Variants in TAFA2 observed in about 807,000 individuals in gnomAD.
TAFA2 encodes the protein TAFA chemokine like family member 2, also known as chemokine-like protein TAFA-2.
Under a neutral mutation model 18.8 loss-of-function variants are expected in TAFA2, and 7 were observed. That is an observed-to-expected ratio of 0.37 (90% CI 0.21 to 0.70). TAFA2 has a LOEUF of 0.70. TAFA2 is among the 30% of genes least tolerant of loss of function. The probability of loss-of-function intolerance (pLI) is 0.53; values close to 1 mark genes in which losing one functional copy is unlikely to be tolerated. For missense variants in TAFA2, 122 were observed against 158.1 expected (o/e 0.77, Z 1.23); for synonymous variants, 60 against 54.2 (o/e 1.11, Z -0.47).
chr12:61,763,777 C>T (rs1184788689), intron 2 of TAFA2, among the ~76,000 whole-genome samples: 1 of 151,796 alleles, frequency 6.6e-6, no homozygotes, highest in Non-Finnish European at 1.5e-5. Context: ...GGAAAGGGAA[C>T]CAAGCACAGC....
rs534630035 is a variant in TAFA2 at position 61,822,597 on chromosome 12, T to C, written c.106+44723A>G. On this transcript the variant is annotated intron_variant, in intron 2 of 4. Coordinates refer to ENST00000416284, the MANE Select transcript of TAFA2 (RefSeq NM_178539.5). Reference sequence around the variant, plus strand: ...TTAAATGTCACTTCCTCTGAAGGTGTCCCCATCTCTTCAGACACAGGAATT... The same window carrying C: ...TTAAATGTCACTTCCTCTGAAGGTGCCCCCATCTCTTCAGACACAGGAATT... 3.9e-5 allele frequency among the ~76,000 whole-genome samples: 6 copies of C among 152,306 alleles called. No homozygotes were observed. In the East Asian group the frequency reaches 1.2e-3, roughly 29 times the overall value.
At chr12:62,004,051 G>A (rs1880466276) in intron 1 of TAFA2, among the ~76,000 whole-genome samples, 1 of 151,902 alleles carries the variant, frequency 6.6e-6, no homozygotes, top group Admixed American at 6.6e-5. Context: ...AATCACTTTT[G>A]GTTTATAGTT....
At chr12:62,017,583 AAATATTTT>A (rs1880980675) in intron 1 of TAFA2, among the ~76,000 whole-genome samples, 2 of 152,174 alleles carry the variant, frequency 1.3e-5, no homozygotes, top group Non-Finnish European at 2.9e-5. Context: ...CCACGTGGTG[AAATATTTT>A]TATTCTGGAG....
intron 2 of TAFA2, among the ~76,000 whole-genome samples, chr12:61,798,366 T>C (rs1411682417): frequency 6.6e-6 from 1 of 152,206 alleles, no homozygotes; most frequent in Non-Finnish European, 1.5e-5. Context: ...CTGGAATACA[T>C]GTGCAGGACG....
intron 1 of TAFA2, among the ~76,000 whole-genome samples, chr12:62,136,849 C>T (rs534374879): frequency 2.4e-4 from 37 of 152,270 alleles, no homozygotes; most frequent in African/African-American, 8.9e-4. Flanking sequence ...TTTGGGGGGA[C>T]ATGCACCCCT....
At chr12:61,730,772 C>A (rs1870405666) in intron 4 of TAFA2, among the ~76,000 whole-genome samples, 1 of 152,048 alleles carries the variant, frequency 6.6e-6, no homozygotes, top group Non-Finnish European at 1.5e-5. Context: ...CCCCAACAGC[C>A]AACAGAGCCA....
At chr12:61,969,861 G>T (rs1565700164) in intron 1 of TAFA2, among the ~76,000 whole-genome samples, 1 of 151,528 alleles carries the variant, frequency 6.6e-6, no homozygotes, top group African/African-American at 2.4e-5. Flanking sequence ...AAGAACAAAG[G>T]CAGAGATATA....
chr12:62,253,766 A>T (rs1396214355), intron 1 of TAFA2: 1 of 152,242 alleles, frequency 6.6e-6, no homozygotes, highest in African/African-American at 2.4e-5. Context: ...AATTTTAATC[A>T]CATCTGTAAA....
At chr12:61,723,943 T>C (rs1008183782) in intron 4 of TAFA2, among the ~76,000 whole-genome samples, 5 of 152,100 alleles carry the variant, frequency 3.3e-5, no homozygotes, top group Admixed American at 2.0e-4. Context: ...CACCAAGGAA[T>C]TACATGCTCA....
rs548382269 is a variant in TAFA2, at chr12:62,156,104, AAG to A, written c.-2+35153_-2+35154del. 6.3e-4 allele frequency among the ~76,000 whole-genome samples: 96 copies of A among 152,338 alleles called. 1 individual carries two copies. The highest frequency in any genetic ancestry group is 2.3e-3 in the African/African-American group (95 of 41,590). ...AACTCAAACAAATCAGTAAGAAAGA[AAG>A]AAACAATCCCATCAAAAAGTGGGCT... On this transcript the variant is annotated intron_variant, in intron 1 of 4. Coordinates refer to ENST00000416284, the MANE Select transcript of TAFA2 (RefSeq NM_178539.5).
Position 62,255,502 on chromosome 12 carries a change from G to GT in TAFA2, c.-130+3260dup, listed in dbSNP as rs1468396851. Among the ~76,000 whole-genome samples, 13 of 152,170 alleles carry GT rather than the reference G, an allele frequency of 8.5e-5. No individual in the cohort carries two copies. In the East Asian group the frequency reaches 2.3e-3, roughly 27 times the overall value. On this transcript the variant is annotated intron_variant, in intron 1 of 5. Transcript: ENST00000551619. ...TGCAGAATATACTATGCCTATTAAG[G>GT]TTTTTTTATTATAATTATAGACCTG... is the stretch of plus-strand genomic sequence containing the variant.
chr12:62,168,945 TACAC>T (rs147184565), intron 1 of TAFA2, among the ~76,000 whole-genome samples: 25 of 148,940 alleles, frequency 1.7e-4, no homozygotes, highest in East Asian at 9.9e-4. Context: ...ACTCACTCTC[TACAC>T]ACACACACAC....
chr12:62,184,122 A>T (rs2062568775), intron 1 of TAFA2, among the ~76,000 whole-genome samples: 1 of 152,206 alleles, frequency 6.6e-6, no homozygotes, highest in Non-Finnish European at 1.5e-5. Context: ...TACAAAGCTG[A>T]AGAACCCAAA....
intron 1 of TAFA2, among the ~76,000 whole-genome samples, chr12:61,912,528 G>A (rs1013976122): frequency 6.6e-5 from 10 of 152,004 alleles, no homozygotes; most frequent in African/African-American, 2.2e-4. Flanking sequence ...AAGTCATAAC[G>A]AATCATTTTT....
chr12:62,154,665 G>A (rs889529429), intron 1 of TAFA2, among the ~76,000 whole-genome samples: 12 of 107,694 alleles, frequency 1.1e-4, no homozygotes, highest in African/African-American at 2.3e-4. Context: ...CCATTTTCAC[G>A]TGCATCCGGT....
intron 1 of TAFA2, among the ~76,000 whole-genome samples, chr12:61,971,026 A>T (rs542191478): frequency 1.3e-5 from 2 of 151,826 alleles, no homozygotes; most frequent in South Asian, 4.1e-4. Flanking sequence ...TATAAGATAT[A>T]GCAAAATAGA....
intron 1 of TAFA2, among the ~76,000 whole-genome samples, chr12:62,002,318 A>G (rs371777675): frequency 3.0e-4 from 46 of 152,288 alleles, no homozygotes; most frequent in African/African-American, 9.6e-4. Context: ...CTTTCCTTAC[A>G]AATAGCCCCC....
intron 1 of TAFA2, among the ~76,000 whole-genome samples, chr12:62,024,901 G>A (rs746500351): frequency 4.6e-5 from 7 of 151,780 alleles, no homozygotes; most frequent in South Asian, 2.1e-4. Context: ...AATCAAAACC[G>A]CAATGAGATA....
chr12:61,953,131 A>C (rs1387136942), intron 1 of TAFA2, among the ~76,000 whole-genome samples: 2 of 152,108 alleles, frequency 1.3e-5, no homozygotes, highest in Admixed American at 6.6e-5. Context: ...GGTGAAGAGA[A>C]GCAATAATAG....
Sources: gnomAD v4.1 joint callset for allele counts (sites outside exome capture counted in the v4.1 genomes callset) on GRCh38, gnomAD v4.1.1 for gene constraint, MANE v1.5 for transcripts, NCBI Gene and HGNC (gene_info 2026-07-23, HGNC 2026-07-21) for gene names.